The following IFI27L1 variants were observed in gnomAD, a reference collection of about 807,000 sequenced individuals.
IFI27L1 encodes interferon alpha-inducible protein 27-like protein 1.
Under a neutral mutation model 9.2 loss-of-function variants are expected in IFI27L1, and 3 were observed. That is an observed-to-expected ratio of 0.32 (90% confidence interval 0.15 to 0.84). IFI27L1 has a LOEUF of 0.84. IFI27L1 is among the 40% of genes least tolerant of loss of function. IFI27L1 has a pLI of 0.56. For synonymous variants in IFI27L1, 53 were observed against 50.0 expected (o/e 1.06, Z -0.26); for missense variants, 133 against 134.2 (o/e 0.99, Z 0.05).
intron 3 of IFI27L1, chr14:94,101,026 G>A (rs944860115): frequency 1.7e-5 from 10 of 596,466 alleles, no homozygotes; most frequent in Admixed American, 2.9e-5. Flanking sequence ...AACCCCGGAT[G>A]AGTCATTGGA....
rs1002068025 is a variant in IFI27L1, at chr14:94,101,062, C to T, written c.61+291C>T. The T allele has an allele frequency of 4.0e-5, 23 of 574,460 alleles. 1 individual carries two copies. Among genetic ancestry groups the T allele is most frequent in the South Asian group, 3.8e-4 (17 of 44,844 alleles). 35.6% of individuals were successfully genotyped at this position (574,460 alleles called of 1,614,324 possible). A position where few individuals can be genotyped will look rare whatever the true frequency, so the allele number is the denominator to read the frequency against. ...GCAGTCACAGCCCGGGATTCCTCCC[C>T]GTCTAAAGCAGGGCCCATGGTATCC... On this transcript the variant is annotated intron_variant, in intron 3 of 4. Transcript: ENST00000555523.
chr14:94,090,649 A>G (rs1886444568), intron 1 of IFI27L1, among the ~76,000 whole-genome samples: 1 of 152,244 alleles, frequency 6.6e-6, no homozygotes, highest in African/African-American at 2.4e-5. Flanking sequence ...TTCTTTGGTC[A>G]GGAACCCTGT....
At chr14:94,097,283 A>T (rs1048364680) in intron 2 of IFI27L1, among the ~76,000 whole-genome samples, 5 of 152,216 alleles carry the variant, frequency 3.3e-5, no homozygotes, top group African/African-American at 9.7e-5. Flanking sequence ...CCCAAGATTG[A>T]ACGGGCAGTT....
At chr14:94,095,684 C>T (rs144698711) in intron 1 of IFI27L1, among the ~76,000 whole-genome samples, 154 of 152,218 alleles carry the variant, frequency 1.0e-3, no homozygotes, top group Non-Finnish European at 2.0e-3. Flanking sequence ...CTTTAAACAA[C>T]CAGCTCTTGC....
In IFI27L1 at chr14:94,092,133, T is replaced by TA. The variant is rs546904018; in HGVS notation, c.-51-4741dup. On this transcript the variant is annotated intron_variant, in intron 1 of 4. Transcript: ENST00000555523. ...AGAGTGAGACTGTGTCTCAAAAAAA[T>TA]AAAAAAAAAAAAAGAAAGAAAATCT... Among the ~76,000 whole-genome samples, 542 of 107,850 alleles carry TA rather than the reference T, an allele frequency of 5.0e-3. 14 individuals carry two copies. In the South Asian group the frequency reaches 0.075, roughly 15 times the overall value. 70.8% of individuals were successfully genotyped at this position (107,850 alleles called of 152,430 possible). A position where few individuals can be genotyped will look rare whatever the true frequency, so the allele number is the denominator to read the frequency against.
chr14:94,098,923 T>C (rs939034484), intron 2 of IFI27L1, among the ~76,000 whole-genome samples: 1 of 152,206 alleles, frequency 6.6e-6, no homozygotes, highest in East Asian at 1.9e-4. Context: ...CTGCTCAAGG[T>C]CATGCAGCTC....
At chr14:94,100,915 C>G in intron 3 of IFI27L1, 144 bp downstream of exon 3, 1 of 879,864 alleles carries the variant, frequency 1.1e-6, no homozygotes, top group South Asian at 1.3e-5. Flanking sequence ...TGATGGGGAC[C>G]TTAGAGCAGC....
At chr14:94,092,240 G>A (rs1430080126) in intron 1 of IFI27L1, among the ~76,000 whole-genome samples, 2 of 151,974 alleles carry the variant, frequency 1.3e-5, no homozygotes, top group African/African-American at 2.4e-5. Flanking sequence ...CTGGCCGTGC[G>A]CTCTGGCTCA....
At chr14:94,082,590 G>T (rs1886145885) in intron 1 of IFI27L1, among the ~76,000 whole-genome samples, 1 of 152,222 alleles carries the variant, frequency 6.6e-6, no homozygotes, top group Non-Finnish European at 1.5e-5. Flanking sequence ...ACTTTGGATT[G>T]AAGCCAGTGC....
chr14:94,096,006 G>A (rs554027314), intron 1 of IFI27L1, among the ~76,000 whole-genome samples: 1 of 152,354 alleles, frequency 6.6e-6, no homozygotes, highest in African/African-American at 2.4e-5. Flanking sequence ...GATTGGGAAT[G>A]TGTGGCCAGG....
At position 94,095,751 on chromosome 14, in the gene IFI27L1, T is replaced by A. The variant is rs551721948; in HGVS notation, c.-51-1136T>A. The stretch of plus-strand genomic sequence containing the variant: ...CCATGGGGAGGGCACCAAGCCACCA[T>A]GAGGGATTTTCCCCCATGACCTGAG... On this transcript the variant is annotated intron_variant, in intron 1 of 4. Coordinates refer to ENST00000555523, the MANE Select transcript of IFI27L1 (RefSeq NM_206949.3). Among the ~76,000 whole-genome samples, 5 of 152,288 alleles carry A rather than the reference T, an allele frequency of 3.3e-5. No homozygotes were observed. In the South Asian group the frequency reaches 1.0e-3, roughly 32 times the overall value.
chr14:94,093,981 G>GATA (rs1886577566), intron 1 of IFI27L1, among the ~76,000 whole-genome samples: 3 of 152,102 alleles, frequency 2.0e-5, no homozygotes, highest in Non-Finnish European at 2.9e-5. Flanking sequence ...GGGTGGGAAA[G>GATA]GCCCTCTGCT....
intron 2 of IFI27L1, among the ~76,000 whole-genome samples, chr14:94,099,852 T>TCTTA (rs373810498): frequency 2.3e-4 from 35 of 151,684 alleles, no homozygotes; most frequent in African/African-American, 7.5e-4. Flanking sequence ...TAGGACAGAA[T>TCTTA]GCTAATAGAA....
chr14:94,093,756 T>G (rs1351327453), intron 1 of IFI27L1, among the ~76,000 whole-genome samples: 1 of 77,384 alleles, frequency 1.3e-5, no homozygotes, highest in African/African-American at 5.9e-5. Context: ...GTACTATTGT[T>G]TTTTGCATTT....
At chr14:94,084,294 G>C (rs1036994357) in intron 1 of IFI27L1, among the ~76,000 whole-genome samples, 2 of 152,142 alleles carry the variant, frequency 1.3e-5, no homozygotes, top group African/African-American at 2.4e-5. Flanking sequence ...TTGAGCTCAG[G>C]AGTTCAAGAT....
intron 1 of IFI27L1, among the ~76,000 whole-genome samples, chr14:94,091,015 AAGTC>A (rs1456366126): frequency 1.3e-5 from 2 of 152,224 alleles, no homozygotes; most frequent in Non-Finnish European, 2.9e-5. Context: ...GATCAGGAAA[AAGTC>A]AGAAAGATTG....
intron 1 of IFI27L1, among the ~76,000 whole-genome samples, chr14:94,091,786 T>C (rs1886484399): frequency 6.6e-6 from 1 of 152,168 alleles, no homozygotes; most frequent in Non-Finnish European, 1.5e-5. Flanking sequence ...CTTTTGTCTA[T>C]AGCTTATTCA....
chr14:94,102,623 C>A lies in IFI27L1; in HGVS notation c.*55C>A. On this transcript the variant is annotated 3_prime_UTR_variant, in exon 5 of 5. Transcript: ENST00000555523. Reference sequence around the variant, plus strand: ...CTTGGTGGAGATGACTTTCCTGGGCCTCTGGATGACAATCTTCCAAAGGAC... The same window carrying A: ...CTTGGTGGAGATGACTTTCCTGGGCATCTGGATGACAATCTTCCAAAGGAC... The A allele has an allele frequency of 1.0e-6, 1 of 986,134 alleles. No individual in the cohort carries two copies. The highest frequency in any genetic ancestry group is 1.5e-6 in the Non-Finnish European group (1 of 677,482). 61.1% of individuals were successfully genotyped at this position (986,134 alleles called of 1,614,324 possible).
chr14:94,084,536 C>T (rs961449188), intron 1 of IFI27L1, among the ~76,000 whole-genome samples: 4 of 152,068 alleles, frequency 2.6e-5, no homozygotes, highest in Non-Finnish European at 5.9e-5. Context: ...GTGCACAAAC[C>T]CAGTCAGATT....
Sources: gnomAD v4.1 joint callset for allele counts (sites outside exome capture counted in the v4.1 genomes callset) on GRCh38, gnomAD v4.1.1 for gene constraint, MANE v1.5 for transcripts, NCBI Gene and HGNC (gene_info 2026-07-23, HGNC 2026-07-21) for gene names.